The following CNBD1 variants were observed in gnomAD, a reference collection of about 807,000 sequenced individuals.
The protein encoded by CNBD1 is cyclic nucleotide binding domain containing 1.
Under a neutral mutation model 54.4 loss-of-function variants are expected in CNBD1, and 71 were observed. The observed-to-expected ratio is 1.30, with a 90% CI of 1.08 to 1.59. The LOEUF is 1.59. Ranked by LOEUF, CNBD1 falls within the 40% of genes most tolerant of loss-of-function variation. The pLI is 0.00. For synonymous variants in CNBD1, 182 were observed against 170.7 expected, an observed-to-expected ratio of 1.07 and a Z score of -0.51; for missense variants, 659 against 518.0, an observed-to-expected ratio of 1.27 and a Z score of -2.64.
chr8:87,059,141 T>A (rs972318969), intron 4 of CNBD1, among the ~76,000 whole-genome samples: 1 of 152,192 alleles, frequency 6.6e-6, no homozygotes, highest in Non-Finnish European at 1.5e-5. Context: ...CTCATCTCCA[T>A]CTGAGACCAC....
intron 4 of CNBD1, among the ~76,000 whole-genome samples, chr8:87,031,218 G>A (rs894841895): frequency 2.0e-5 from 3 of 151,712 alleles, no homozygotes; most frequent in African/African-American, 7.3e-5. Flanking sequence ...AATTAAGGAT[G>A]GAAAAATGGT....
intron 4 of CNBD1, among the ~76,000 whole-genome samples, chr8:87,089,432 G>C (rs1811163354): frequency 6.6e-6 from 1 of 152,024 alleles, no homozygotes; most frequent in Non-Finnish European, 1.5e-5. Flanking sequence ...ATTCAGTTCT[G>C]GCACCAGAAA....
chr8:87,065,365 A>T (rs1746501235), intron 4 of CNBD1, among the ~76,000 whole-genome samples: 1 of 151,902 alleles, frequency 6.6e-6, no homozygotes, highest in South Asian at 2.1e-4. Flanking sequence ...AAATATTTTG[A>T]TGGCAGTGAT....
chr8:87,007,810 T>G (rs1174786473), intron 4 of CNBD1, among the ~76,000 whole-genome samples: 2 of 152,342 alleles, frequency 1.3e-5, no homozygotes, highest in East Asian at 3.9e-4. Flanking sequence ...AAATTTACTA[T>G]GTATTTATTA....
intron 2 of CNBD1, among the ~76,000 whole-genome samples, chr8:87,406,717 A>T (rs1011725380): frequency 6.6e-6 from 1 of 151,970 alleles, no homozygotes; most frequent in Non-Finnish European, 1.5e-5. Context: ...TGACCTTGTG[A>T]TCTGCCAGCC....
chr8:87,132,086 A>G (rs552045496), intron 4 of CNBD1, among the ~76,000 whole-genome samples: 1 of 151,998 alleles, frequency 6.6e-6, no homozygotes, highest in Non-Finnish European at 1.5e-5. Context: ...TTTTATATGT[A>G]TGTAATGTGT....
chr8:87,229,495 G>C (rs1047160246), intron 5 of CNBD1, among the ~76,000 whole-genome samples: 9 of 151,834 alleles, frequency 5.9e-5, no homozygotes, highest in Non-Finnish European at 1.2e-4. Flanking sequence ...ATTGTTCTTT[G>C]ACACCTTAAT....
chr8:86,874,847 G>A (rs1808490966), intron 1 of CNBD1, among the ~76,000 whole-genome samples: 1 of 151,216 alleles, frequency 6.6e-6, no homozygotes. Context: ...TTCCCTAAGA[G>A]CCCTGTTTTG....
intron 3 of CNBD1, among the ~76,000 whole-genome samples, chr8:86,928,610 A>G (rs1809404842): frequency 6.6e-6 from 1 of 152,164 alleles, no homozygotes; most frequent in Non-Finnish European, 1.5e-5. Flanking sequence ...CTTCTATCCA[A>G]TTTGTGAAGG....
intron 4 of CNBD1, among the ~76,000 whole-genome samples, chr8:87,036,466 C>A (rs545395089): frequency 2.0e-5 from 3 of 151,650 alleles, no homozygotes; most frequent in Admixed American, 6.6e-5. Context: ...TGGTGGTGGG[C>A]GCCTGTAGTC....
chr8:87,331,006 A>T (rs2130910019), intron 8 of CNBD1, among the ~76,000 whole-genome samples: 1 of 152,186 alleles, frequency 6.6e-6, no homozygotes, highest in South Asian at 2.1e-4. Context: ...GTGATTATTG[A>T]TATAGTTGCT....
intron 4 of CNBD1, among the ~76,000 whole-genome samples, chr8:87,159,343 G>T (rs1311712360): frequency 6.6e-6 from 1 of 152,006 alleles, no homozygotes; most frequent in Non-Finnish European, 1.5e-5. Context: ...GAGTTTTCAT[G>T]GGATATAAAA....
intron 4 of CNBD1, among the ~76,000 whole-genome samples, chr8:87,173,502 G>A (rs1424422379): frequency 3.3e-5 from 5 of 152,000 alleles, no homozygotes; most frequent in Admixed American, 2.0e-4. Flanking sequence ...TTTTGTTTGC[G>A]TGAGAAAGTC....
intron 4 of CNBD1, among the ~76,000 whole-genome samples, chr8:87,174,756 G>A (rs937143753): frequency 4.6e-5 from 7 of 152,138 alleles, no homozygotes; most frequent in Non-Finnish European, 1.0e-4. Context: ...GGACTTGGGT[G>A]TTGTGATCTA....
At chr8:86,880,200 G>A (rs939645682) in intron 1 of CNBD1, among the ~76,000 whole-genome samples, 1 of 144,066 alleles carries the variant, frequency 6.9e-6, no homozygotes, top group South Asian at 2.3e-4. Flanking sequence ...CAATGTACAT[G>A]TCACACAGCC....
At chr8:87,122,195 G>C (rs1244303877) in intron 4 of CNBD1, among the ~76,000 whole-genome samples, 1 of 151,768 alleles carries the variant, frequency 6.6e-6, no homozygotes, top group African/African-American at 2.4e-5. Context: ...CAGTGTTCAA[G>C]AGTTCCCTTT....
chr8:87,268,960 C>A (rs1808313305), intron 6 of CNBD1, among the ~76,000 whole-genome samples: 1 of 152,006 alleles, frequency 6.6e-6, no homozygotes, highest in African/African-American at 2.4e-5. Flanking sequence ...GTTTTTGTTG[C>A]AATTACCTTT....
At chr8:87,206,919 T>A (rs184954074) in intron 5 of CNBD1, among the ~76,000 whole-genome samples, 29 of 152,312 alleles carry the variant, frequency 1.9e-4, no homozygotes, top group Non-Finnish European at 3.5e-4. Flanking sequence ...TAATTCTAAC[T>A]TGTTCTCTGT....
chr8:87,099,175 T>A (rs1017224820), intron 4 of CNBD1, among the ~76,000 whole-genome samples: 3 of 151,682 alleles, frequency 2.0e-5, no homozygotes, highest in African/African-American at 7.3e-5. Context: ...GTAGAAAATG[T>A]TGTTGTTGTT....
Sources: gnomAD v4.1 joint callset for allele counts (sites outside exome capture counted in the v4.1 genomes callset) on GRCh38, gnomAD v4.1.1 for gene constraint, MANE v1.5 for transcripts, NCBI Gene and HGNC (gene_info 2026-07-23, HGNC 2026-07-21) for gene names.